Variants in TMEM59 observed in about 807,000 individuals in gnomAD.
TMEM59 encodes the protein dendritic cell factor 1.
TMEM59 carries 44 observed loss-of-function variants against 42.2 expected under a neutral mutation model. That is an observed-to-expected ratio of 1.04 (90% CI 0.82 to 1.34). TMEM59 has a LOEUF of 1.34. Among genes scored for constraint, TMEM59 ranks in the 40% most tolerant of loss-of-function variants. The pLI, the probability that TMEM59 is intolerant of heterozygous loss-of-function variation, is 0.00. For synonymous variants in TMEM59, 148 were observed against 145.8 expected (o/e 1.02, Z -0.11); for missense variants, 359 against 382.8 (o/e 0.94, Z 0.52).
chr1:54,052,801 T>C (rs543668842), intron 1 of TMEM59, among the ~76,000 whole-genome samples, 199 bp downstream of exon 1: 2 of 152,078 alleles, frequency 1.3e-5, no homozygotes, highest in Non-Finnish European at 2.9e-5. Flanking sequence ...TATCACAGGG[T>C]AGTGCAGGAC....
In TMEM59 at chr1:54,041,711, A is replaced by T; in HGVS notation, c.625+13T>A. ...CTAATGTTTTTATCTAAGCTACTTAAAATAAAACTTACAGGACATTTTGCT... is the reference window on the plus strand; with the variant it reads ...CTAATGTTTTTATCTAAGCTACTTATAATAAAACTTACAGGACATTTTGCT... On this transcript the variant is annotated intron_variant, in intron 5 of 7. Coordinates refer to ENST00000234831, the MANE Select transcript of TMEM59 (RefSeq NM_004872.5). 6.2e-7 allele frequency: 1 copy of T among 1,608,542 alleles called. No homozygotes were observed. The highest frequency in any genetic ancestry group is 1.1e-5 in the South Asian group (1 of 90,470).
chr1:54,045,938 T>C lies in TMEM59; in HGVS notation c.296-152A>G, dbSNP rs1156957252. The C allele has an allele frequency of 6.1e-5, 37 of 609,658 alleles. No homozygotes were observed. In the Admixed American group the frequency reaches 1.1e-3, roughly 18 times the overall value. 37.8% of individuals were successfully genotyped at this position (609,658 alleles called of 1,614,324 possible). A position where few individuals can be genotyped will look rare whatever the true frequency, so the allele number is the denominator to read the frequency against. ...TTTGGTAATATAGTAGTAGGAAATG[T>C]ATCTTTAACAGAACTCCATATTGTC... On this transcript the variant is annotated intron_variant, in intron 2 of 7. Transcript: ENST00000234831.
At chr1:54,052,730 C>T (rs1299851949) in intron 1 of TMEM59, among the ~76,000 whole-genome samples, 2 of 152,208 alleles carry the variant, frequency 1.3e-5, no homozygotes, top group Non-Finnish European at 2.9e-5. Context: ...GACTCCCCTG[C>T]AGCCCGGCAA....
At chr1:54,035,020 T>C (rs1169539880) in intron 7 of TMEM59, 1 of 152,204 alleles carries the variant, frequency 6.6e-6, no homozygotes. Flanking sequence ...GAGGAGATGT[T>C]GGTTAAAGGA....
In TMEM59 at chr1:54,029,238, A is replaced by G. The variant is rs1476907262; in HGVS notation, c.*2912T>C. ...TGACCAGATCATCTAGTAATTTCTG[A>G]TTTACTACAAAACATATCACAAATG... is the stretch of plus-strand genomic sequence containing the variant. On this transcript the variant is annotated 3_prime_UTR_variant, in exon 8 of 8. Coordinates refer to ENST00000234831, the MANE Select transcript of TMEM59 (RefSeq NM_004872.5). 6.6e-6 allele frequency: 1 copy of G among 152,134 alleles called. No individual in the cohort carries two copies. Among genetic ancestry groups the G allele is most frequent in the Admixed American group, 6.5e-5 (1 of 15,276 alleles). The allele number at this position is 152,134 out of a possible 1,614,324, so 9.4% of individuals were successfully genotyped here.
chr1:54,052,348 T>G (rs919048819), intron 1 of TMEM59, among the ~76,000 whole-genome samples: 1 of 152,128 alleles, frequency 6.6e-6, no homozygotes, highest in African/African-American at 2.4e-5. Flanking sequence ...CTCCACGAAT[T>G]CCCCGTTTTC....
Position 54,029,233 on chromosome 1 carries a change from T to A in TMEM59, c.*2917A>T, listed in dbSNP as rs1317921129. 1 of 152,184 alleles carries A rather than the reference T, an allele frequency of 6.6e-6. No homozygotes were observed. Among genetic ancestry groups the A allele is most frequent in the Non-Finnish European group, 1.5e-5 (1 of 68,046 alleles). 9.4% of individuals were successfully genotyped at this position (152,184 alleles called of 1,614,324 possible). On this transcript the variant is annotated 3_prime_UTR_variant, in exon 8 of 8. Transcript: ENST00000234831. The stretch of plus-strand genomic sequence containing the variant: ...AAGATTGACCAGATCATCTAGTAAT[T>A]TCTGATTTACTACAAAACATATCAC...
chr1:54,032,681 A>G (rs1310117065), intron 7 of TMEM59, among the ~76,000 whole-genome samples: 3 of 152,244 alleles, frequency 2.0e-5, no homozygotes, highest in Non-Finnish European at 2.9e-5. Context: ...AAAATGATAG[A>G]TGCTATTTGA....
At chr1:54,037,355 G>A (rs1486295199) in intron 6 of TMEM59, among the ~76,000 whole-genome samples, 1 of 152,192 alleles carries the variant, frequency 6.6e-6, no homozygotes, top group Non-Finnish European at 1.5e-5. Context: ...GGCCAGTTAT[G>A]AGAATCAGCA....
Position 54,031,286 on chromosome 1 carries a change from A to G in TMEM59, c.*864T>C, listed in dbSNP as rs1656759646. ...TGGTGTATTATTATTATGACCTGAT[A>G]TCATTCTAATATTAAGCTCTGTATT... On this transcript the variant is annotated 3_prime_UTR_variant, in exon 8 of 8. Transcript: ENST00000234831. 1 of 152,246 alleles carries G rather than the reference A, an allele frequency of 6.6e-6. No homozygotes were observed. Among genetic ancestry groups the G allele is most frequent in the African/African-American group, 2.4e-5 (1 of 41,448 alleles). The allele number at this position is 152,246 out of a possible 1,614,324, so 9.4% of individuals were successfully genotyped here.
intron 4 of TMEM59, among the ~76,000 whole-genome samples, chr1:54,042,062 T>G (rs566879621): frequency 9.2e-5 from 14 of 151,810 alleles, no homozygotes; most frequent in Admixed American, 3.9e-4. Context: ...TTTTGTTTTT[T>G]TTTTTTTTTA....
intron 7 of TMEM59, chr1:54,034,197 G>A (rs1319963523): frequency 4.0e-5 from 6 of 150,800 alleles, no homozygotes; most frequent in African/African-American, 1.5e-4. Context: ...CTTAGTCAAA[G>A]AGGCCAGTCA....
chr1:54,043,066 G>T (rs1385761265), intron 4 of TMEM59, among the ~76,000 whole-genome samples: 1 of 152,058 alleles, frequency 6.6e-6, no homozygotes, highest in Non-Finnish European at 1.5e-5. Context: ...TATGTTCGAA[G>T]TATATTAATT....
chr1:54,036,187 G>A (rs1341889462), intron 7 of TMEM59, among the ~76,000 whole-genome samples: 2 of 151,972 alleles, frequency 1.3e-5, no homozygotes, highest in African/African-American at 4.8e-5. Flanking sequence ...GGGAGGCTGA[G>A]GAAGAATCAC....
At chr1:54,049,158 G>A (rs1480347823) in intron 1 of TMEM59, among the ~76,000 whole-genome samples, 2 of 152,108 alleles carry the variant, frequency 1.3e-5, no homozygotes, top group African/African-American at 4.8e-5. Context: ...TTCAGGAATC[G>A]GCCCTGGTTT....
intron 1 of TMEM59, chr1:54,048,047 G>A (rs1468173728): frequency 6.6e-6 from 1 of 152,286 alleles, no homozygotes; most frequent in African/African-American, 2.4e-5. Flanking sequence ...AAGTACCCTA[G>A]GACCAATGGC....
At position 54,036,722 on chromosome 1, in the gene TMEM59, G is replaced by T; in HGVS notation, c.708-4C>A. On this transcript the variant is annotated splice_polypyrimidine_tract_variant and splice_region_variant and intron_variant, in intron 6 of 7. Transcript: ENST00000234831. The stretch of plus-strand genomic sequence containing the variant: ...AGTTAAAATCCACCCAGAGTTACTG[G>T]AAAAAAAAAATCAACAATTAGTTAT... The T allele has an allele frequency of 6.8e-7, 1 of 1,467,560 alleles. No homozygotes were observed. The highest frequency in any genetic ancestry group is 9.1e-7 in the Non-Finnish European group (1 of 1,096,716). The allele number at this position is 1,467,560 out of a possible 1,614,324, so 90.9% of individuals were successfully genotyped here.
At position 54,032,122 on chromosome 1, in the gene TMEM59, T is replaced by C; in HGVS notation, c.*28A>G. The C allele has an allele frequency of 1.3e-6, 2 of 1,598,812 alleles. No individual in the cohort carries two copies. The highest frequency in any genetic ancestry group is 4.5e-5 in the East Asian group (2 of 44,670). On this transcript the variant is annotated 3_prime_UTR_variant, in exon 8 of 8. Coordinates refer to ENST00000234831, the MANE Select transcript of TMEM59 (RefSeq NM_004872.5). The stretch of plus-strand genomic sequence containing the variant: ...TGAGGAGTGGAATTTTAGATGTCTA[T>C]TACACTTGTCTTTTAAAAGAAAAAT...
chr1:54,048,508 T>G, intron 1 of TMEM59: 1 of 234,774 alleles, frequency 4.3e-6, no homozygotes, highest in South Asian at 5.4e-5. Flanking sequence ...GTGTGAAAGC[T>G]TAAGACAGGA....
Sources: gnomAD v4.1 joint callset for allele counts (sites outside exome capture counted in the v4.1 genomes callset) on GRCh38, gnomAD v4.1.1 for gene constraint, MANE v1.5 for transcripts, NCBI Gene and HGNC (gene_info 2026-07-23, HGNC 2026-07-21) for gene names.